The following WWOX variants were observed in gnomAD, a reference collection of about 807,000 sequenced individuals.
The protein encoded by WWOX is WW domain containing oxidoreductase.
In WWOX, 69 loss-of-function variants were observed where a neutral mutation model predicts 46.2. That is an observed-to-expected ratio of 1.49 (90% confidence interval 1.23 to 1.82). The LOEUF is 1.82. Among genes scored for constraint, WWOX ranks in the 40% most tolerant of loss-of-function variants. WWOX has a pLI of 0.00. For synonymous variants in WWOX, 359 were observed against 202.6 expected, an observed-to-expected ratio of 1.77 and a Z score of -6.56; for missense variants, 919 against 542.6, an observed-to-expected ratio of 1.69 and a Z score of -6.89.
At chr16:78,723,057 G>A (rs998390149) in intron 8 of WWOX, among the ~76,000 whole-genome samples, 9 of 151,972 alleles carry the variant, frequency 5.9e-5, no homozygotes, top group South Asian at 2.1e-4. Context: ...AGAAAATGAT[G>A]TGAGGAAGCC....
intron 8 of WWOX, among the ~76,000 whole-genome samples, chr16:79,073,843 C>T (rs1415309286): frequency 6.6e-6 from 1 of 152,082 alleles, no homozygotes; most frequent in African/African-American, 2.4e-5. Flanking sequence ...AACTATTTGT[C>T]AAAATTAAGC....
At chr16:78,422,499 C>G (rs918117552) in intron 6 of WWOX, among the ~76,000 whole-genome samples, 4 of 150,292 alleles carry the variant, frequency 2.7e-5, no homozygotes, top group African/African-American at 9.8e-5. Context: ...CACACACCAC[C>G]ACACCTGGCT....
intron 8 of WWOX, among the ~76,000 whole-genome samples, chr16:78,702,060 T>C (rs2048233180): frequency 8.5e-6 from 1 of 118,196 alleles, no homozygotes; most frequent in African/African-American, 3.5e-5. Context: ...AATGCAGAAG[T>C]TTTATATATA....
At chr16:78,263,672 T>G (rs2151839404) in intron 5 of WWOX, among the ~76,000 whole-genome samples, 1 of 152,334 alleles carries the variant, frequency 6.6e-6, no homozygotes, top group East Asian at 1.9e-4. Flanking sequence ...GTCCATTTTG[T>G]TCCACTCAAA....
intron 8 of WWOX, among the ~76,000 whole-genome samples, chr16:79,178,227 A>G (rs1439943179): frequency 6.6e-6 from 1 of 152,212 alleles, no homozygotes; most frequent in Non-Finnish European, 1.5e-5. Context: ...ACAAGTGACT[A>G]TTTGCTAATA....
rs139414083 is a variant in WWOX at position 78,668,108 on chromosome 16, G to A, written c.1056+235356G>A. Among the ~76,000 whole-genome samples the A allele has an allele frequency of 7.8e-4, 118 of 152,102 alleles. 2 individuals are homozygous for A. In the East Asian group the frequency reaches 0.022, roughly 28 times the overall value. On this transcript the variant is annotated intron_variant, in intron 8 of 8. Transcript: ENST00000566780. ...AGCCTGGCCACCATGGTGAAGCCCCGTCTCTACTAAAAATACAAAAAATTA... is the reference window on the plus strand; with the variant it reads ...AGCCTGGCCACCATGGTGAAGCCCCATCTCTACTAAAAATACAAAAAATTA...
chr16:78,686,096 A>G (rs1389149469), intron 8 of WWOX, among the ~76,000 whole-genome samples: 2 of 152,200 alleles, frequency 1.3e-5, no homozygotes, highest in Non-Finnish European at 2.9e-5. Context: ...TTGGGGAAAG[A>G]CATTCATACA....
chr16:78,546,435 T>C (rs1242296158), intron 8 of WWOX, among the ~76,000 whole-genome samples: 1 of 152,118 alleles, frequency 6.6e-6, no homozygotes, highest in East Asian at 1.9e-4. Flanking sequence ...GGGCAAGAGA[T>C]TGTTCAAAAG....
intron 8 of WWOX, among the ~76,000 whole-genome samples, chr16:79,031,771 A>G (rs1012972305): frequency 2.1e-5 from 3 of 143,458 alleles, no homozygotes; most frequent in South Asian, 4.3e-4. Flanking sequence ...TATATATAAT[A>G]TATAGAAAGA....
intron 8 of WWOX, among the ~76,000 whole-genome samples, chr16:78,543,452 A>C (rs1407109339): frequency 2.0e-5 from 3 of 152,182 alleles, no homozygotes; most frequent in Non-Finnish European, 4.4e-5. Flanking sequence ...TGATAAAGTC[A>C]AACTTGTGAA....
intron 8 of WWOX, among the ~76,000 whole-genome samples, chr16:79,128,861 T>G (rs1473544765): frequency 1.3e-5 from 2 of 152,138 alleles, no homozygotes; most frequent in Non-Finnish European, 2.9e-5. Context: ...AGGTTGTGAT[T>G]CAGTTGCCCA....
intron 8 of WWOX, among the ~76,000 whole-genome samples, chr16:78,466,640 G>A (rs144303304): frequency 6.6e-6 from 1 of 152,138 alleles, no homozygotes; most frequent in East Asian, 1.9e-4. Context: ...GATCAGCCTG[G>A]CCAACATGGT....
chr16:78,858,238 A>C (rs2052614530), intron 8 of WWOX, among the ~76,000 whole-genome samples: 1 of 150,182 alleles, frequency 6.7e-6, no homozygotes, highest in Admixed American at 6.7e-5. Context: ...GTTTTTGATT[A>C]CATGGAGAAG....
At chr16:78,872,895 T>C (rs2151204534) in intron 8 of WWOX, 1 of 152,438 alleles carries the variant, frequency 6.6e-6, no homozygotes, top group South Asian at 2.1e-4. Flanking sequence ...CCTCCAGGGC[T>C]CAAGCAGTCC....
chr16:79,003,103 C>T (rs1567475428), intron 8 of WWOX, among the ~76,000 whole-genome samples: 1 of 152,206 alleles, frequency 6.6e-6, no homozygotes, highest in African/African-American at 2.4e-5. Context: ...AACCTCCTTC[C>T]AGAACCCTCT....
At chr16:78,748,585 G>A (rs531879898) in intron 8 of WWOX, among the ~76,000 whole-genome samples, 97 of 152,220 alleles carry the variant, frequency 6.4e-4, no homozygotes, top group African/African-American at 2.3e-3. Flanking sequence ...CAATACGTCC[G>A]TGATCAACAT....
intron 8 of WWOX, among the ~76,000 whole-genome samples, chr16:79,032,955 T>C (rs897331396): frequency 6.6e-6 from 1 of 151,512 alleles, no homozygotes; most frequent in Non-Finnish European, 1.5e-5. Flanking sequence ...GTGTCTTTTG[T>C]TCCCCTCTTT....
chr16:78,981,131 C>T (rs1032158126), intron 8 of WWOX, among the ~76,000 whole-genome samples: 11 of 152,188 alleles, frequency 7.2e-5, no homozygotes, highest in Admixed American at 2.0e-4. Context: ...AACCAGTGTC[C>T]TAGCTGGGAG....
chr16:79,170,346 G>A (rs576380998), intron 8 of WWOX, among the ~76,000 whole-genome samples: 1 of 152,308 alleles, frequency 6.6e-6, no homozygotes, highest in South Asian at 2.1e-4. Context: ...CAGCTAGGAA[G>A]TAGCAAAGAT....
Sources: gnomAD v4.1 joint callset for allele counts (sites outside exome capture counted in the v4.1 genomes callset) on GRCh38, gnomAD v4.1.1 for gene constraint, MANE v1.5 for transcripts, NCBI Gene and HGNC (gene_info 2026-07-23, HGNC 2026-07-21) for gene names.